Variants in KIF26B observed in about 807,000 individuals in gnomAD.
KIF26B encodes the protein kinesin family member 26B, also known as kinesin-like protein KIF26B.
In KIF26B, 63 loss-of-function variants were observed where a neutral mutation model predicts 151.2. The ratio of observed to expected loss-of-function variants is 0.42; its 90% confidence interval spans 0.34 to 0.51. KIF26B has a LOEUF of 0.51. Ranked by LOEUF, KIF26B falls within the 20% of genes least tolerant of loss-of-function variation. The pLI is 0.07. For synonymous variants in KIF26B, 1,357 were observed against 1,262.1 expected (o/e 1.08, Z -1.59); for missense variants, 2,813 against 2,913.6 (o/e 0.97, Z 0.79).
intron 2 of KIF26B, among the ~76,000 whole-genome samples, chr1:245,186,354 T>A (rs1051639650): frequency 6.6e-6 from 1 of 152,160 alleles, no homozygotes; most frequent in African/African-American, 2.4e-5. Flanking sequence ...TCCGTAACCT[T>A]GGGTTAAATG....
chr1:245,703,104 C>T lies in KIF26B; in HGVS notation c.*498C>T, dbSNP rs1048390465. On this transcript the variant is annotated 3_prime_UTR_variant, in exon 15 of 15. Transcript: ENST00000407071. ...GTCAAGATGAAAACAACAAAACAAA[C>T]AAGAAAAACATTTTGGAAATGTATT... is the stretch of plus-strand genomic sequence containing the variant. 6.5e-6 allele frequency: 1 copy of T among 153,950 alleles called. No homozygotes were observed. The highest frequency in any genetic ancestry group is 1.4e-5 in the Non-Finnish European group (1 of 69,098). The allele number at this position is 153,950 out of a possible 1,614,324, so 9.5% of individuals were successfully genotyped here.
chr1:245,330,931 G>C (rs1384633061), intron 2 of KIF26B, among the ~76,000 whole-genome samples: 1 of 151,894 alleles, frequency 6.6e-6, no homozygotes. Flanking sequence ...TGAGGTGCGG[G>C]AAGTCCCCGC....
chr1:245,482,655 G>A (rs1660192594), intron 4 of KIF26B, among the ~76,000 whole-genome samples: 1 of 151,746 alleles, frequency 6.6e-6, no homozygotes, highest in African/African-American at 2.4e-5. Context: ...GGGTTGGGAA[G>A]GGGCCCATGG....
In KIF26B at chr1:245,367,205, G is replaced by C. The variant is rs1200315469; in HGVS notation, c.837G>C (p.Lys279Asn). ...TTGGGGTCAGCAATGGGGCGGAAAA[G>C]AAGAGCGGGTCCCCAACCCACCAGG... The part of the protein sequence containing the change: ...SSLGVSNGAE[K>N]KSGSPTHQAK... The change falls in exon 3 of 15, where the codon AAG (lysine) becomes AAC (asparagine). Residue 279 changes from lysine (K) to asparagine (N), a missense_variant. Physicochemically the swap from Lys to Asn is moderately conservative, Grantham distance 94. This residue lies in a region of KIF26B where 676 missense variants were observed against 688.1 expected (regional missense o/e 0.98). Coordinates refer to ENST00000407071, the MANE Select transcript of KIF26B (RefSeq NM_018012.4). This position sits in a 1 kb window ranked among gnomAD's most constrained non-coding sequence, Gnocchi z 4.2. The C allele has an allele frequency of 1.2e-6, 2 of 1,609,538 alleles. No homozygotes were observed. The highest frequency in any genetic ancestry group is 2.2e-5 in the South Asian group (2 of 89,988).
chr1:245,371,825 T>A (rs1173172322), intron 3 of KIF26B: 1 of 152,166 alleles, frequency 6.6e-6, no homozygotes, highest in Non-Finnish European at 1.5e-5. Context: ...AGAGAGATTT[T>A]AAAAAGAGTA....
intron 5 of KIF26B, among the ~76,000 whole-genome samples, chr1:245,586,571 T>C (rs1237384153): frequency 6.6e-6 from 1 of 152,082 alleles, no homozygotes; most frequent in Non-Finnish European, 1.5e-5. Context: ...TTACTTCTCC[T>C]CCACCCTCAA....
intron 2 of KIF26B, among the ~76,000 whole-genome samples, chr1:245,203,861 C>G (rs1669348428): frequency 6.6e-6 from 1 of 152,156 alleles, no homozygotes; most frequent in Non-Finnish European, 1.5e-5. Flanking sequence ...CATTCGTATT[C>G]CAGTTGCTAG....
intron 2 of KIF26B, among the ~76,000 whole-genome samples, chr1:245,179,405 C>T (rs1323981485): frequency 6.6e-6 from 1 of 152,192 alleles, no homozygotes; most frequent in Non-Finnish European, 1.5e-5. Flanking sequence ...GCGTGGATCA[C>T]CTGAGGTCAG....
intron 9 of KIF26B, among the ~76,000 whole-genome samples, chr1:245,621,714 CG>C (rs993391433): frequency 8.5e-5 from 13 of 152,186 alleles, no homozygotes; most frequent in Non-Finnish European, 1.0e-4. Flanking sequence ...CCCCAGCCGC[CG>C]GAAGTGATGG....
At chr1:245,188,548 C>T (rs1316222521) in intron 2 of KIF26B, among the ~76,000 whole-genome samples, 2 of 152,172 alleles carry the variant, frequency 1.3e-5, no homozygotes, top group Admixed American at 6.5e-5. Flanking sequence ...AAGGAACTAG[C>T]TCCCAAGTTA....
intron 9 of KIF26B, among the ~76,000 whole-genome samples, chr1:245,643,301 GCTTT>G (rs1014762405): frequency 1.3e-5 from 2 of 151,278 alleles, no homozygotes; most frequent in African/African-American, 4.9e-5. Flanking sequence ...TCTCTTTTTT[GCTTT>G]CTTTTGGATT....
At position 245,516,707 on chromosome 1, in the gene KIF26B, A is replaced by G. The variant is rs896440887; in HGVS notation, c.1167-24060A>G. Among the ~76,000 whole-genome samples the G allele has an allele frequency of 1.3e-5, 2 of 152,172 alleles. No homozygotes were observed. The highest frequency in any genetic ancestry group is 2.9e-5 in the Non-Finnish European group (2 of 68,036). On this transcript the variant is annotated intron_variant, in intron 4 of 14. Transcript: ENST00000407071. The surrounding 1 kb of genome is among the most constrained non-coding windows in gnomAD (Gnocchi z 4.2). ...GGCTGCTCTAAAGGGAAGTTGAGGAATACTGCAAAGCCACAAATCTGAGAT... is the reference window on the plus strand; with the variant it reads ...GGCTGCTCTAAAGGGAAGTTGAGGAGTACTGCAAAGCCACAAATCTGAGAT...
intron 4 of KIF26B, among the ~76,000 whole-genome samples, chr1:245,535,312 GTA>G (rs1193652252): frequency 6.6e-6 from 1 of 152,126 alleles, no homozygotes; most frequent in East Asian, 1.9e-4. Context: ...ATCTATGGCT[GTA>G]AAAATGTGAT....
At chr1:245,561,305 G>C (rs181937688) in intron 5 of KIF26B, among the ~76,000 whole-genome samples, 1 of 152,170 alleles carries the variant, frequency 6.6e-6, no homozygotes, top group Non-Finnish European at 1.5e-5. Context: ...GGCAGCTACC[G>C]ATACAGAGGG....
chr1:245,679,715 C>T (rs577553059), intron 10 of KIF26B, among the ~76,000 whole-genome samples: 5 of 152,154 alleles, frequency 3.3e-5, no homozygotes, highest in South Asian at 4.1e-4. Context: ...GTGATCTGCC[C>T]GCCTCAGCCT....
intron 2 of KIF26B, among the ~76,000 whole-genome samples, chr1:245,303,210 T>TGGATTTGTTAATTG (rs1490608897): frequency 8.9e-5 from 13 of 146,232 alleles, no homozygotes; most frequent in African/African-American, 3.3e-4. Flanking sequence ...TTTTTTTTTT[T>TGGATTTGTTAATTG]TTTTTTGCGA....
intron 4 of KIF26B, among the ~76,000 whole-genome samples, chr1:245,422,699 C>T (rs1658519738): frequency 6.6e-6 from 1 of 152,182 alleles, no homozygotes; most frequent in Non-Finnish European, 1.5e-5. Context: ...TCACCACTTT[C>T]CACTCTTCCT....
chr1:245,395,968 G>A (rs1673827960), intron 3 of KIF26B, among the ~76,000 whole-genome samples: 1 of 152,174 alleles, frequency 6.6e-6, no homozygotes, highest in Non-Finnish European at 1.5e-5. Flanking sequence ...CGATGGTGTT[G>A]TAAAAAATTC....
rs947021795 is a variant in KIF26B, at chr1:245,516,379, G to T, written c.1167-24388G>T. Among the ~76,000 whole-genome samples the T allele has an allele frequency of 2.0e-5, 3 of 152,188 alleles. No homozygotes were observed. The highest frequency in any genetic ancestry group is 2.9e-5 in the Non-Finnish European group (2 of 68,044). ...TCCTCATGTAGAGCCACAAGATGGC[G>T]CAGAGGATGACATGAAATCATGTAC... On this transcript the variant is annotated intron_variant, in intron 4 of 14. Coordinates refer to ENST00000407071, the MANE Select transcript of KIF26B (RefSeq NM_018012.4). The surrounding 1 kb of genome is among the most constrained non-coding windows in gnomAD (Gnocchi z 4.2).
Sources: gnomAD v4.1 joint callset for allele counts (sites outside exome capture counted in the v4.1 genomes callset) on GRCh38, gnomAD v4.1.1 for gene constraint, gnomAD v4.1.1 regional missense constraint, Gnocchi (gnomAD v3.1) non-coding constraint, MANE v1.5 for transcripts, NCBI Gene and HGNC (gene_info 2026-07-23, HGNC 2026-07-21) for gene names.